CLNK: variants seen among roughly 807,000 people sequenced by gnomAD.
CLNK encodes cytokine dependent hematopoietic cell linker, also known as cytokine-dependent hematopoietic cell linker.
CLNK carries 74 observed loss-of-function variants against 68.6 expected under a neutral mutation model. The ratio of observed to expected loss-of-function variants is 1.08; its 90% CI spans 0.89 to 1.31. The LOEUF (loss-of-function observed/expected upper bound fraction) is 1.31, where lower values mean the gene tolerates loss of function less well. Among genes scored for constraint, CLNK ranks in the 50% most tolerant of loss-of-function variants. CLNK has a pLI of 0.00. For missense variants in CLNK, 553 were observed against 515.3 expected, an observed-to-expected ratio of 1.07 and a Z score of -0.71; for synonymous variants, 198 against 172.2, an observed-to-expected ratio of 1.15 and a Z score of -1.17.
the CLNK span, among the ~76,000 whole-genome samples, chr4:10,725,871 A>C: frequency 6.6e-6 from 1 of 152,028 alleles, no homozygotes; most frequent in African/African-American, 2.4e-5. Flanking sequence ...AAAAGAAAAA[A>C]GAAAAAACGT....
intron 4 of CLNK, 126 bp downstream of exon 4, chr4:10,584,800 AC>A: frequency 2.0e-6 from 2 of 976,070 alleles, no homozygotes; most frequent in Admixed American, 4.2e-5. Context: ...GAATGGCATT[AC>A]TAGCTAATGT....
Position 10,488,039 on chromosome 4 carries a change from T to C in CLNK, c.*2428A>G, listed in dbSNP as rs752134046. 30 of 152,336 alleles carry C rather than the reference T, an allele frequency of 2.0e-4. No individual in the cohort carries two copies. The highest frequency in any genetic ancestry group is 3.7e-4 in the Non-Finnish European group (25 of 68,034). The allele number at this position is 152,336 out of a possible 1,614,324, so 9.4% of individuals were successfully genotyped here. On this transcript the variant is annotated 3_prime_UTR_variant, in exon 19 of 19. Transcript: ENST00000226951. ...CCATGTCAGTATTTTCCATTTTATA[T>C]TTTTTACAGAAGTGTTCAAATACAC... is the stretch of plus-strand genomic sequence containing the variant.
chr4:10,668,415 T>A (rs1724494052), intron 1 of CLNK, among the ~76,000 whole-genome samples: 1 of 152,226 alleles, frequency 6.6e-6, no homozygotes, highest in Non-Finnish European at 1.5e-5. Context: ...ATTTACCATA[T>A]AAATTAGCAG....
At chr4:10,623,812 C>T (rs1389371272) in intron 2 of CLNK, among the ~76,000 whole-genome samples, 4 of 152,168 alleles carry the variant, frequency 2.6e-5, no homozygotes, top group African/African-American at 4.8e-5. Context: ...ACATTTGCTA[C>T]AGAAGGAGAA....
At chr4:10,529,269 A>G (rs982480115) in intron 12 of CLNK, among the ~76,000 whole-genome samples, 3 of 152,158 alleles carry the variant, frequency 2.0e-5, no homozygotes, top group Non-Finnish European at 4.4e-5. Flanking sequence ...CTGGGGAGAT[A>G]AAGGTTTATT....
Position 10,532,142 on chromosome 4 carries a change from A to G in CLNK, c.630+114T>C, listed in dbSNP as rs1310620073. ...AGAGATACTAATGCATTTTGAGCATAGCTATTGTGAGAACTAAGTGTAAGT... is the reference window on the plus strand; with the variant it reads ...AGAGATACTAATGCATTTTGAGCATGGCTATTGTGAGAACTAAGTGTAAGT... On this transcript the variant is annotated intron_variant, in intron 12 of 18. Transcript: ENST00000226951. 3.8e-6 allele frequency: 3 copies of G among 786,216 alleles called. No individual in the cohort carries two copies. In the East Asian group the frequency reaches 7.8e-5, roughly 20 times the overall value. 48.7% of individuals were successfully genotyped at this position (786,216 alleles called of 1,614,324 possible).
intron 3 of CLNK, among the ~76,000 whole-genome samples, chr4:10,593,823 C>T (rs1721281425): frequency 6.6e-6 from 1 of 152,192 alleles, no homozygotes; most frequent in Admixed American, 6.5e-5. Flanking sequence ...ACTCCATAGC[C>T]AATGAGGTGA....
chr4:10,671,858 C>T (rs1296883481), intron 1 of CLNK, among the ~76,000 whole-genome samples: 1 of 152,196 alleles, frequency 6.6e-6, no homozygotes, highest in Non-Finnish European at 1.5e-5. Flanking sequence ...TGGCTTAGGT[C>T]AGCAAACTAT....
At chr4:10,685,720 T>G (rs972073953), upstream of CLNK, among the ~76,000 whole-genome samples, 3 of 152,244 alleles carry the variant, frequency 2.0e-5, no homozygotes, top group African/African-American at 7.2e-5. Flanking sequence ...ACTCTTTGAA[T>G]GCTAATTGTG....
chr4:10,702,400 T>C, the CLNK span, among the ~76,000 whole-genome samples: 275 of 152,108 alleles, frequency 1.8e-3, 6 homozygotes, highest in East Asian at 0.044. Flanking sequence ...AGGAAACACC[T>C]AAGATCAAGC....
chr4:10,650,671 T>A (rs1001285591), intron 2 of CLNK, among the ~76,000 whole-genome samples: 3 of 152,088 alleles, frequency 2.0e-5, no homozygotes, highest in Non-Finnish European at 4.4e-5. Context: ...AAATAAAGGC[T>A]TTTTTAGCAT....
intron 2 of CLNK, among the ~76,000 whole-genome samples, chr4:10,634,660 C>T (rs1265281398): frequency 3.3e-5 from 5 of 152,194 alleles, no homozygotes; most frequent in African/African-American, 4.8e-5. Flanking sequence ...TTCCAGCTTT[C>T]CCAGTCTAAC....
At chr4:10,637,382 A>G (rs935068698) in intron 2 of CLNK, among the ~76,000 whole-genome samples, 8 of 151,888 alleles carry the variant, frequency 5.3e-5, no homozygotes, top group Admixed American at 2.6e-4. Context: ...TGTACTCACA[A>G]AAAGCTTTGT....
At position 10,490,492 on chromosome 4, in the gene CLNK, A is replaced by T. The variant is rs376869195; in HGVS notation, c.1262T>A (p.Leu421His). Residue 421 changes from leucine to histidine, a missense_variant, in exon 19 of 19, where the codon CTC becomes CAC. By Grantham distance (99) the Leu-to-His change is moderately conservative. Transcript: ENST00000226951. ...CTACAGAGGCAAGAGGTGTCTGGTG[A>T]GAGGGAGTGGCTGAGTGAGGTGACA... ...KQCHLTQPLP[L>H]TRHLLPL The T allele has an allele frequency of 8.6e-5, 139 of 1,613,422 alleles. No homozygotes were observed. In the African/African-American group the frequency reaches 1.4e-3, roughly 16 times the overall value.
chr4:10,507,584 C>T (rs1381529582), intron 17 of CLNK, among the ~76,000 whole-genome samples: 2 of 152,228 alleles, frequency 1.3e-5, no homozygotes, highest in Non-Finnish European at 1.5e-5. Flanking sequence ...GTGTCTCAGC[C>T]TCCTGAGTAG....
chr4:10,524,906 C>T (rs2109052088), intron 14 of CLNK, among the ~76,000 whole-genome samples: 1 of 152,232 alleles, frequency 6.6e-6, no homozygotes, highest in Non-Finnish European at 1.5e-5. Flanking sequence ...GACGAGGCTG[C>T]AGTGCCGAGA....
chr4:10,626,994 C>T (rs1171289076), intron 2 of CLNK, among the ~76,000 whole-genome samples: 1 of 152,214 alleles, frequency 6.6e-6, no homozygotes, highest in African/African-American at 2.4e-5. Context: ...TCTCATGATA[C>T]AGCCAGCCTC....
At chr4:10,558,108 G>T (rs1211677110) in intron 8 of CLNK, among the ~76,000 whole-genome samples, 2 of 152,130 alleles carry the variant, frequency 1.3e-5, no homozygotes, top group South Asian at 4.1e-4. Flanking sequence ...TGCTTGGAGA[G>T]ATAACATGAT....
chr4:10,512,446 G>A (rs1379806755), intron 16 of CLNK, among the ~76,000 whole-genome samples: 1 of 151,812 alleles, frequency 6.6e-6, no homozygotes, highest in African/African-American at 2.4e-5. Flanking sequence ...GGTCAAGCTG[G>A]TCTCGAACTC....
Sources: allele counts gnomAD v4.1 joint callset (sites outside exome capture counted in the v4.1 genomes callset), GRCh38; gene constraint gnomAD v4.1.1; transcripts MANE v1.5; gene names NCBI Gene and HGNC (gene_info 2026-07-23, HGNC 2026-07-21).